Variants in FREM1 observed in about 807,000 individuals in gnomAD.
FREM1 encodes FRAS1-related extracellular matrix protein 1.
FREM1 carries 220 observed loss-of-function variants against 210.1 expected under a neutral mutation model. The observed-to-expected ratio is 1.05, with a 90% CI of 0.94 to 1.17. The LOEUF is 1.17. Ranked by LOEUF, FREM1 falls within the 50% of genes most tolerant of loss-of-function variation. The probability of loss-of-function intolerance (pLI) is 0.00; values close to 1 mark genes in which losing one functional copy is unlikely to be tolerated. For synonymous variants in FREM1, 1,189 were observed against 980.2 expected, an observed-to-expected ratio of 1.21 and a Z score of -3.98; for missense variants, 3,454 against 2,675.5, an observed-to-expected ratio of 1.29 and a Z score of -6.42.
rs61747529 is a variant in FREM1, at chr9:14,868,933, C to A, written c.45G>T (p.Leu15=). Residue 15 remains leucine (L), a synonymous_variant, in exon 2 of 37, where the codon CTG becomes CTT. Coordinates refer to ENST00000380880, the MANE Select transcript of FREM1 (RefSeq NM_001379081.2). The part of the protein sequence containing the change: ...SWGAANAVLL[L]LLLAWASPTF... ...TGGGGCTGGCCCAGGCCAGGAGGAG[C>A]AGCAGCAGCACGGCATTCGCAGCCC... 6,432 of 1,600,130 alleles carry A rather than the reference C, an allele frequency of 4.0e-3. 163 individuals carry two copies. In the African/African-American group the frequency reaches 0.063, roughly 16 times the overall value.
rs1370406446 is a variant in FREM1 at position 14,851,362 on chromosome 9, G to A, written c.1074C>T (p.Phe358=). ...LLDHTRPISS[F]TWKDLSDMQI... ...GCATGTCACTGAGATCTTTCCAGGT[G>A]AATGAGGAGATTGGTCTGGTGTGAT... is the stretch of plus-strand genomic sequence containing the variant. Residue 358 remains phenylalanine (F), a synonymous_variant, in exon 6 of 37, where the codon TTC becomes TTT. Transcript: ENST00000380880. 2.5e-6 allele frequency: 4 copies of A among 1,613,614 alleles called. No individual in the cohort carries two copies. Among genetic ancestry groups the A allele is most frequent in the Non-Finnish European group, 3.4e-6 (4 of 1,179,710 alleles).
At chr9:14,887,188 G>A (rs1032632440) in intron 1 of FREM1, among the ~76,000 whole-genome samples, 6 of 152,104 alleles carry the variant, frequency 3.9e-5, no homozygotes, top group Non-Finnish European at 5.9e-5. Context: ...TCTCTTCTTT[G>A]TGTTTTAATT....
chr9:14,789,362 G>C (rs780608863), intron 22 of FREM1, among the ~76,000 whole-genome samples: 3 of 152,128 alleles, frequency 2.0e-5, no homozygotes, highest in Non-Finnish European at 4.4e-5. Flanking sequence ...CAATTCAACA[G>C]CATTGTTACT....
chr9:14,790,408 G>C (rs1335692000), intron 22 of FREM1, among the ~76,000 whole-genome samples: 1 of 152,130 alleles, frequency 6.6e-6, no homozygotes, highest in Non-Finnish European at 1.5e-5. Context: ...AATTAAGCTA[G>C]AGTTTGTTTC....
chr9:14,766,922 T>C (rs1023098337), intron 27 of FREM1, among the ~76,000 whole-genome samples: 13 of 152,224 alleles, frequency 8.5e-5, no homozygotes, highest in African/African-American at 3.1e-4. Context: ...CCACCAAATG[T>C]TTCCGGGATA....
intron 21 of FREM1, among the ~76,000 whole-genome samples, chr9:14,796,417 A>G (rs377256864): frequency 6.6e-6 from 1 of 152,220 alleles, no homozygotes; most frequent in African/African-American, 2.4e-5. Flanking sequence ...TAGACTGTGT[A>G]CAGTTCTGTA....
At chr9:14,783,700 A>G (rs896048023) in intron 24 of FREM1, among the ~76,000 whole-genome samples, 2 of 152,214 alleles carry the variant, frequency 1.3e-5, no homozygotes, top group Non-Finnish European at 2.9e-5. Context: ...AAATGAATGT[A>G]GATTTTCATT....
rs763918482 is a variant in FREM1, at chr9:14,812,910, C to T, written c.2795G>A (p.Arg932His). 74 of 1,613,734 alleles carry T rather than the reference C, an allele frequency of 4.6e-5. No individual in the cohort carries two copies. Among genetic ancestry groups the T allele is most frequent in the Non-Finnish European group, 5.8e-5 (68 of 1,179,832 alleles). Residue 932 changes from arginine to histidine, a missense_variant, in exon 16 of 37, where the codon CGC becomes CAC. By Grantham distance (29) the Arg-to-His change is conservative. Transcript: ENST00000380880. ...CCTCACCACCCCATGCTGAGGTTCG[C>T]GAGCAATCACAAACATCAACTTCAA... ...DNLKLMFVIA[R>H]EPQHGVVRRA...
chr9:14,802,223 G>T (rs1817423510), intron 19 of FREM1, among the ~76,000 whole-genome samples: 1 of 152,206 alleles, frequency 6.6e-6, no homozygotes, highest in African/African-American at 2.4e-5. Flanking sequence ...GAAAAGTTCA[G>T]TTGTAAAACT....
At chr9:14,860,762 C>CACATATATACACATATATACACATATAT (rs1564101224) in intron 3 of FREM1, among the ~76,000 whole-genome samples, 4 of 83,080 alleles carry the variant, frequency 4.8e-5, no homozygotes, top group African/African-American at 1.9e-4. Context: ...CATATATATG[C>CACATATATACACATATATACACATATAT]ACATATATAC....
At chr9:14,760,469 ACT>A (rs1845290140) in intron 27 of FREM1, among the ~76,000 whole-genome samples, 1 of 152,106 alleles carries the variant, frequency 6.6e-6, no homozygotes, top group Admixed American at 6.5e-5. Flanking sequence ...TAAAAAAAGG[ACT>A]CTACTGGTAT....
chr9:14,847,678 G>C (rs878970093), intron 7 of FREM1, among the ~76,000 whole-genome samples: 3 of 152,154 alleles, frequency 2.0e-5, no homozygotes, highest in Admixed American at 2.0e-4. Flanking sequence ...CGATGGCACA[G>C]ATCAAGTTCA....
intron 31 of FREM1, 51 bp from the exon 32 acceptor site, chr9:14,747,779 T>C: frequency 1.8e-6 from 2 of 1,102,702 alleles, no homozygotes; most frequent in East Asian, 2.7e-5. Flanking sequence ...GACTAATAAC[T>C]AGCAATAGGG....
At chr9:14,747,119 C>A in intron 33 of FREM1, 68 bp from the exon 34 acceptor site, 1 of 1,603,090 alleles carries the variant, frequency 6.2e-7, no homozygotes, top group East Asian at 2.2e-5. Context: ...ACATTCACCT[C>A]CTTTGGGTCT....
At position 14,812,965 on chromosome 9, in the gene FREM1, T is replaced by G; in HGVS notation, c.2740A>C (p.Ile914Leu). 6.2e-7 allele frequency: 1 copy of G among 1,613,924 alleles called. No homozygotes were observed. The highest frequency in any genetic ancestry group is 8.5e-7 in the Non-Finnish European group (1 of 1,179,844). ...GGEVVITSEY[I>L]FATDVDSDNL... ...TCGCTGTCCACATCAGTAGCAAAAA[T>G]GTATTCAGAGGTGATGACCACCTCT... Residue 914 changes from isoleucine to leucine, a missense_variant, in exon 16 of 37, where the codon ATT (isoleucine) becomes CTT (leucine). Coordinates refer to ENST00000380880, the MANE Select transcript of FREM1 (RefSeq NM_001379081.2).
intron 36 of FREM1, among the ~76,000 whole-genome samples, chr9:14,739,103 T>TTTA (rs145972238): frequency 6.6e-5 from 10 of 150,992 alleles, no homozygotes; most frequent in South Asian, 4.2e-4. Flanking sequence ...ATCACCTATA[T>TTTA]TTATTATTAT....
intron 1 of FREM1, among the ~76,000 whole-genome samples, chr9:14,875,408 A>G (rs1833511328): frequency 1.3e-5 from 2 of 151,680 alleles, no homozygotes; most frequent in Non-Finnish European, 2.9e-5. Context: ...TTCCCTTCTC[A>G]CTTCATTTCA....
At chr9:14,782,869 CAA>C (rs1159699151) in intron 24 of FREM1, among the ~76,000 whole-genome samples, 2 of 152,182 alleles carry the variant, frequency 1.3e-5, no homozygotes, top group East Asian at 3.8e-4. Flanking sequence ...GAAGAGGAAA[CAA>C]GAGCACAGGA....
chr9:14,902,012 G>T (rs1045968325), intron 1 of FREM1, among the ~76,000 whole-genome samples: 22 of 141,196 alleles, frequency 1.6e-4, no homozygotes, highest in Admixed American at 1.0e-3. Context: ...GCCATGCCTG[G>T]TTTTTTTTTT....
Sources: gnomAD v4.1 joint callset for allele counts (sites outside exome capture counted in the v4.1 genomes callset) on GRCh38, gnomAD v4.1.1 for gene constraint, MANE v1.5 for transcripts, NCBI Gene and HGNC (gene_info 2026-07-23, HGNC 2026-07-21) for gene names.